SLC12A8: variants seen among roughly 807,000 people sequenced by gnomAD.
SLC12A8 encodes the protein cation-chloride cotransporter 9.
SLC12A8 carries 69 observed loss-of-function variants against 75.6 expected under a neutral mutation model. The ratio of observed to expected loss-of-function variants is 0.91; its 90% confidence interval spans 0.75 to 1.11. The LOEUF (loss-of-function observed/expected upper bound fraction) is 1.11, where lower values mean the gene tolerates loss of function less well. Ranked by LOEUF, SLC12A8 falls within the 50% of genes most tolerant of loss-of-function variation. The pLI is 0.00. For missense variants in SLC12A8, 877 were observed against 896.7 expected, an observed-to-expected ratio of 0.98 and a Z score of 0.28; for synonymous variants, 365 against 372.8, an observed-to-expected ratio of 0.98 and a Z score of 0.24.
At chr3:125,177,438 T>C (rs1934558409) in intron 5 of SLC12A8, among the ~76,000 whole-genome samples, 1 of 151,860 alleles carries the variant, frequency 6.6e-6, no homozygotes, top group Non-Finnish European at 1.5e-5. Context: ...CAAACCTGCA[T>C]GTTGTGCACA....
chr3:125,141,551 G>A (rs1235899978), intron 5 of SLC12A8, among the ~76,000 whole-genome samples: 1 of 152,244 alleles, frequency 6.6e-6, no homozygotes, highest in Non-Finnish European at 1.5e-5. Flanking sequence ...CTCCCCCTAC[G>A]CCGCTGGGGG....
chr3:125,172,633 A>G (rs1934430194), intron 5 of SLC12A8, among the ~76,000 whole-genome samples: 1 of 152,252 alleles, frequency 6.6e-6, no homozygotes, highest in African/African-American at 2.4e-5. Flanking sequence ...GTTTATTGTT[A>G]TCTTATGCCA....
At chr3:125,203,306 G>C (rs1935164284) in intron 2 of SLC12A8, among the ~76,000 whole-genome samples, 1 of 151,062 alleles carries the variant, frequency 6.6e-6, no homozygotes. Flanking sequence ...AAAGAACAAA[G>C]CTGAAAGCAT....
At chr3:125,153,519 C>T (rs1412436547) in intron 5 of SLC12A8, among the ~76,000 whole-genome samples, 1 of 152,246 alleles carries the variant, frequency 6.6e-6, no homozygotes, top group Admixed American at 6.5e-5. Flanking sequence ...TAGGACACAT[C>T]TCCCATGCTG....
chr3:125,105,005 T>G (rs1284540378), intron 10 of SLC12A8, among the ~76,000 whole-genome samples: 1 of 152,026 alleles, frequency 6.6e-6, no homozygotes, highest in East Asian at 1.9e-4. Context: ...CTAGATGAAG[T>G]CACTATTATT....
intron 5 of SLC12A8, among the ~76,000 whole-genome samples, chr3:125,143,533 C>A (rs901612630): frequency 3.3e-5 from 5 of 152,210 alleles, no homozygotes; most frequent in Non-Finnish European, 5.9e-5. Flanking sequence ...GGGTTTCCAG[C>A]CTAAGACCCC....
At chr3:125,178,290 T>A (rs1397318263) in intron 4 of SLC12A8, among the ~76,000 whole-genome samples, 4 of 152,174 alleles carry the variant, frequency 2.6e-5, no homozygotes, top group African/African-American at 9.7e-5. Context: ...GGCCTCCGGA[T>A]TTCTCAGTCC....
chr3:125,170,902 G>A (rs1463438167), intron 5 of SLC12A8, among the ~76,000 whole-genome samples: 1 of 152,102 alleles, frequency 6.6e-6, no homozygotes, highest in Non-Finnish European at 1.5e-5. Flanking sequence ...GTGACAGAGC[G>A]AGACTCCGTC....
chr3:125,182,911 C>T (rs1000155635), intron 4 of SLC12A8, among the ~76,000 whole-genome samples: 2 of 152,162 alleles, frequency 1.3e-5, no homozygotes, highest in Non-Finnish European at 2.9e-5. Context: ...CTGGGATCAC[C>T]TCAAGGGTGT....
rs192561390 is a variant in SLC12A8 at position 125,130,390 on chromosome 3, G to A, written c.736+5279C>T. Among the ~76,000 whole-genome samples the A allele has an allele frequency of 1.0e-3, 159 of 151,920 alleles. 2 individuals are homozygous for A. Among genetic ancestry groups the A allele is most frequent in the African/African-American group, 3.5e-3 (147 of 41,450 alleles). Reference sequence around the variant, plus strand: ...GTGGATCACTTGAGGTCAAGAGTTCGAGACCACCCTGGACAACATGGCAAA... The same window carrying A: ...GTGGATCACTTGAGGTCAAGAGTTCAAGACCACCCTGGACAACATGGCAAA... On this transcript the variant is annotated intron_variant, in intron 6 of 13. Coordinates refer to ENST00000469902, the MANE Select transcript of SLC12A8 (RefSeq NM_024628.6).
chr3:125,086,503 AAAT>A (rs1173356996), intron 13 of SLC12A8, among the ~76,000 whole-genome samples: 1 of 152,242 alleles, frequency 6.6e-6, no homozygotes, highest in Non-Finnish European at 1.5e-5. Context: ...TTAAAACCAG[AAAT>A]GACTAAAAAT....
intron 4 of SLC12A8, among the ~76,000 whole-genome samples, chr3:125,182,423 T>A (rs1359106398): frequency 6.6e-6 from 1 of 152,134 alleles, no homozygotes; most frequent in Non-Finnish European, 1.5e-5. Flanking sequence ...TTAAAAAGCA[T>A]TGGTTTAAAA....
chr3:125,140,179 A>G (rs1441337131), intron 5 of SLC12A8, among the ~76,000 whole-genome samples: 9 of 152,222 alleles, frequency 5.9e-5, no homozygotes, highest in Admixed American at 5.9e-4. Flanking sequence ...CAAGGACACC[A>G]CAGGGCAACC....
At chr3:125,209,527 C>G (rs1935294864) in intron 2 of SLC12A8, among the ~76,000 whole-genome samples, 1 of 152,240 alleles carries the variant, frequency 6.6e-6, no homozygotes, top group African/African-American at 2.4e-5. Context: ...GCAACTCACC[C>G]AATTCCTAGC....
chr3:125,085,451 A>T (rs950048441), intron 13 of SLC12A8, among the ~76,000 whole-genome samples: 2 of 152,184 alleles, frequency 1.3e-5, no homozygotes, highest in African/African-American at 4.8e-5. Flanking sequence ...CTTCTGCCAA[A>T]ACACACCCTA....
At chr3:125,092,982 A>G (rs909549868) in intron 10 of SLC12A8, among the ~76,000 whole-genome samples, 5 of 152,090 alleles carry the variant, frequency 3.3e-5, no homozygotes, top group African/African-American at 4.8e-5. Context: ...TCATCTCTCA[A>G]TCCCACCCTC....
intron 5 of SLC12A8, among the ~76,000 whole-genome samples, chr3:125,137,927 ACACGCTCACGCTCACACT>A (rs1345458404): frequency 0.014 from 2,062 of 151,832 alleles, 49 homozygotes; most frequent in African/African-American, 0.047. Context: ...GCTCACGCTC[ACACGCTCACGCTCACACT>A]CACGCTCACA....
At chr3:125,201,829 A>C (rs756811364) in intron 2 of SLC12A8, among the ~76,000 whole-genome samples, 1 of 152,220 alleles carries the variant, frequency 6.6e-6, no homozygotes, top group Non-Finnish European at 1.5e-5. Flanking sequence ...TTTAGGAATT[A>C]GATTAAATTA....
At chr3:125,161,584 A>C (rs1422175061) in intron 5 of SLC12A8, among the ~76,000 whole-genome samples, 1 of 152,060 alleles carries the variant, frequency 6.6e-6, no homozygotes, top group African/African-American at 2.4e-5. Flanking sequence ...ACAGGTCAAG[A>C]GACTCTTCGT....
Sources: allele counts gnomAD v4.1 joint callset (sites outside exome capture counted in the v4.1 genomes callset), GRCh38; gene constraint gnomAD v4.1.1; transcripts MANE v1.5; gene names NCBI Gene and HGNC (gene_info 2026-07-23, HGNC 2026-07-21).